BANK1: variants seen among roughly 807,000 people sequenced by gnomAD.
BANK1 encodes the protein B-cell scaffold protein with ankyrin repeats.
Under a neutral mutation model 94.5 loss-of-function variants are expected in BANK1, and 95 were observed. The ratio of observed to expected loss-of-function variants is 1.00; its 90% CI spans 0.85 to 1.19. BANK1 has a LOEUF of 1.19. Ranked by LOEUF, BANK1 falls within the 50% of genes most tolerant of loss-of-function variation. BANK1 has a pLI of 0.00. For missense variants in BANK1, 987 were observed against 932.2 expected, an observed-to-expected ratio of 1.06 and a Z score of -0.77; for synonymous variants, 334 against 308.4, an observed-to-expected ratio of 1.08 and a Z score of -0.87.
intron 6 of BANK1, among the ~76,000 whole-genome samples, chr4:101,898,986 G>T (rs1299456520): frequency 6.6e-6 from 1 of 151,954 alleles, no homozygotes; most frequent in Non-Finnish European, 1.5e-5. Flanking sequence ...TCTCTGAAAA[G>T]AAAATTAAGA....
At chr4:101,910,283 A>G (rs1204060987) in intron 6 of BANK1, among the ~76,000 whole-genome samples, 1 of 152,214 alleles carries the variant, frequency 6.6e-6, no homozygotes, top group African/African-American at 2.4e-5. Flanking sequence ...CACTGAGTGA[A>G]CAGTAATTGA....
At chr4:101,865,862 A>G (rs1402160899) in intron 4 of BANK1, among the ~76,000 whole-genome samples, 1 of 152,184 alleles carries the variant, frequency 6.6e-6, no homozygotes, top group Admixed American at 6.6e-5. Context: ...AGAAAAGTAC[A>G]TAATCAAAAA....
chr4:102,021,558 A>G lies in BANK1; in HGVS notation c.1251A>G (p.Glu417=), dbSNP rs1288894681. 6.8e-7 allele frequency: 1 copy of G among 1,466,674 alleles called. No homozygotes were observed. The highest frequency in any genetic ancestry group is 9.2e-7 in the Non-Finnish European group (1 of 1,088,866). The allele number at this position is 1,466,674 out of a possible 1,614,324, so 90.9% of individuals were successfully genotyped here. A position where few individuals can be genotyped will look rare whatever the true frequency, so the allele number is the denominator to read the frequency against. The change falls in exon 8 of 17, where the codon GAA becomes GAG. Residue 417 remains glutamate, a synonymous_variant. Transcript: ENST00000322953. ...DINNEQENDY[E]EDIASFSTYI... ...ATAATGAGCAAGAAAATGATTATGAAGAGGATATTGCCTCATTTTCCACAT... is the reference window on the plus strand; with the variant it reads ...ATAATGAGCAAGAAAATGATTATGAGGAGGATATTGCCTCATTTTCCACAT...
At chr4:101,814,981 G>A (rs1234780880) in intron 1 of BANK1, among the ~76,000 whole-genome samples, 1 of 152,094 alleles carries the variant, frequency 6.6e-6, no homozygotes, top group Non-Finnish European at 1.5e-5. Flanking sequence ...GGTGAGGATT[G>A]AGCAATAAAT....
rs1722027658 is a variant in BANK1, at chr4:101,895,298, A to G, written c.904-7A>G. ...TAGTGAAAATTTTCTTTTTCACTTG[A>G]AAACAGAATAGCATTGAAGAACTTG... On this transcript the variant is annotated splice_polypyrimidine_tract_variant and splice_region_variant and intron_variant, in intron 5 of 16. Coordinates refer to ENST00000322953, the MANE Select transcript of BANK1 (RefSeq NM_017935.5). 2.6e-6 allele frequency: 4 copies of G among 1,517,400 alleles called. No individual in the cohort carries two copies. The highest frequency in any genetic ancestry group is 1.4e-5 in the African/African-American group (1 of 69,438). 94.0% of individuals were successfully genotyped at this position (1,517,400 alleles called of 1,614,324 possible).
chr4:101,986,722 C>T (rs1205122784), intron 7 of BANK1, among the ~76,000 whole-genome samples: 4 of 149,542 alleles, frequency 2.7e-5, no homozygotes, highest in African/African-American at 9.9e-5. Context: ...ACTTATTTCT[C>T]ATTTACTCTT....
At chr4:102,052,113 CTTTTTTTTTTTTTTT>C (rs199811166) in intron 11 of BANK1, among the ~76,000 whole-genome samples, 1 of 103,994 alleles carries the variant, frequency 9.6e-6, no homozygotes, top group Admixed American at 9.5e-5. Context: ...TTCTTTTTTT[CTTTTTTTTTTTTTTT>C]TTTTTTTTGA....
chr4:101,887,574 T>A (rs1414860084), intron 5 of BANK1, among the ~76,000 whole-genome samples: 1 of 152,210 alleles, frequency 6.6e-6, no homozygotes. Context: ...AAAAATTCTG[T>A]CAGTTAATTA....
At chr4:102,018,295 A>T (rs559271967) in intron 7 of BANK1, among the ~76,000 whole-genome samples, 1 of 152,294 alleles carries the variant, frequency 6.6e-6, no homozygotes, top group East Asian at 1.9e-4. Context: ...TCAAACATAT[A>T]TTTGTCTTCA....
chr4:101,794,114 A>C (rs934825918), intron 1 of BANK1, among the ~76,000 whole-genome samples: 1 of 152,276 alleles, frequency 6.6e-6, no homozygotes, highest in Admixed American at 6.5e-5. Flanking sequence ...GGTTGATTAA[A>C]AGGGAATTAA....
intron 1 of BANK1, among the ~76,000 whole-genome samples, chr4:101,825,129 T>C (rs1416566488): frequency 6.6e-6 from 1 of 152,118 alleles, no homozygotes; most frequent in Non-Finnish European, 1.5e-5. Context: ...TTTAAAATAA[T>C]TTATTTGCAG....
At chr4:101,966,391 C>A (rs1724757916) in intron 7 of BANK1, among the ~76,000 whole-genome samples, 1 of 151,942 alleles carries the variant, frequency 6.6e-6, no homozygotes, top group African/African-American at 2.4e-5. Context: ...AGTTGGACCA[C>A]AAGTGTGTCA....
intron 7 of BANK1, among the ~76,000 whole-genome samples, chr4:101,975,847 T>C (rs938568878): frequency 3.9e-5 from 6 of 152,144 alleles, no homozygotes; most frequent in African/African-American, 1.2e-4. Flanking sequence ...ATTCATATTG[T>C]TATAATGAGA....
intron 4 of BANK1, among the ~76,000 whole-genome samples, chr4:101,867,511 A>G (rs917104857): frequency 2.0e-5 from 3 of 151,946 alleles, no homozygotes; most frequent in Admixed American, 1.3e-4. Flanking sequence ...AAAACACAAT[A>G]TTTCATTTTC....
intron 2 of BANK1, among the ~76,000 whole-genome samples, chr4:101,837,651 T>C (rs1726880185): frequency 6.6e-6 from 1 of 152,192 alleles, no homozygotes; most frequent in Admixed American, 6.5e-5. Flanking sequence ...TTAAATTCTA[T>C]TTTTAATTCT....
chr4:102,030,559 T>A (rs1578467205), intron 10 of BANK1, among the ~76,000 whole-genome samples: 2 of 152,088 alleles, frequency 1.3e-5, no homozygotes, highest in Non-Finnish European at 2.9e-5. Context: ...CATTGGGTAT[T>A]TCTCCTAATG....
chr4:101,887,694 G>C (rs1338233059), intron 5 of BANK1, among the ~76,000 whole-genome samples: 1 of 152,046 alleles, frequency 6.6e-6, no homozygotes, highest in Non-Finnish European at 1.5e-5. Flanking sequence ...AGTATTTAAA[G>C]AGATTCTACA....
At chr4:101,916,757 C>T (rs934514760) in intron 6 of BANK1, among the ~76,000 whole-genome samples, 1 of 152,010 alleles carries the variant, frequency 6.6e-6, no homozygotes, top group African/African-American at 2.4e-5. Context: ...AAGACATTGG[C>T]TGAAACAACT....
chr4:101,911,194 A>G (rs942763635), intron 6 of BANK1, among the ~76,000 whole-genome samples: 1 of 152,198 alleles, frequency 6.6e-6, no homozygotes, highest in Non-Finnish European at 1.5e-5. Context: ...GCTAGTCCCC[A>G]GACGACTGTG....
Sources: allele counts gnomAD v4.1 joint callset (sites outside exome capture counted in the v4.1 genomes callset), GRCh38; gene constraint gnomAD v4.1.1; transcripts MANE v1.5; gene names NCBI Gene and HGNC (gene_info 2026-07-23, HGNC 2026-07-21).